Variants in CSNK2A2IP observed in about 807,000 individuals in gnomAD.
CSNK2A2IP encodes the protein casein kinase 2 subunit alpha' interacting protein.
At chr3:88,447,735 A>G in the CSNK2A2IP span, among the ~76,000 whole-genome samples, 2 of 151,960 alleles carry the variant, frequency 1.3e-5, no homozygotes, top group Non-Finnish European at 2.9e-5. Flanking sequence ...TCGATGATAT[A>G]TTTTTCTTTA....
chr3:88,459,071 C>T, the CSNK2A2IP span, among the ~76,000 whole-genome samples: 438 of 152,136 alleles, frequency 2.9e-3, 2 homozygotes, highest in African/African-American at 9.8e-3. Flanking sequence ...AGAGTTATTG[C>T]AATTTCCAAT....
chr3:88,376,256 A>ATTGTGG, the CSNK2A2IP span, among the ~76,000 whole-genome samples: 4 of 151,686 alleles, frequency 2.6e-5, no homozygotes, highest in African/African-American at 9.7e-5. Context: ...ACTCTAAAAC[A>ATTGTGG]TATTAATTAT....
At chr3:88,455,730 C>T in the CSNK2A2IP span, among the ~76,000 whole-genome samples, 3 of 151,832 alleles carry the variant, frequency 2.0e-5, no homozygotes, top group South Asian at 6.2e-4. Flanking sequence ...TTTAGTTTTG[C>T]TTTTGTCATC....
chr3:88,395,319 T>C, the CSNK2A2IP span, among the ~76,000 whole-genome samples: 1 of 152,236 alleles, frequency 6.6e-6, no homozygotes, highest in East Asian at 1.9e-4. Context: ...TACACTTAAT[T>C]CTATGATCCA....
the CSNK2A2IP span, among the ~76,000 whole-genome samples, chr3:88,397,595 GA>G: frequency 6.6e-6 from 1 of 152,102 alleles, no homozygotes; most frequent in African/African-American, 2.4e-5. Context: ...AAATATGAAA[GA>G]GTTTGCCTTA....
At chr3:88,367,433 T>G in the CSNK2A2IP span, among the ~76,000 whole-genome samples, 31 of 152,206 alleles carry the variant, frequency 2.0e-4, no homozygotes, top group Non-Finnish European at 4.3e-4. Flanking sequence ...TGAGAGTGGC[T>G]TAACACATGA....
the CSNK2A2IP span, among the ~76,000 whole-genome samples, chr3:88,388,830 A>G: frequency 2.0e-5 from 3 of 152,052 alleles, no homozygotes; most frequent in Non-Finnish European, 4.4e-5. Flanking sequence ...CTTCCATGGA[A>G]GTTATAGCTA....
At chr3:88,444,855 T>C in the CSNK2A2IP span, among the ~76,000 whole-genome samples, 2 of 152,152 alleles carry the variant, frequency 1.3e-5, no homozygotes, top group African/African-American at 4.8e-5. Context: ...TAATATGTCA[T>C]GGTTTTCTAT....
the CSNK2A2IP span, among the ~76,000 whole-genome samples, chr3:88,428,933 A>G: frequency 6.6e-6 from 1 of 150,986 alleles, no homozygotes; most frequent in Non-Finnish European, 1.5e-5. Flanking sequence ...TTATAAAACA[A>G]TTAACTTCTT....
the CSNK2A2IP span, among the ~76,000 whole-genome samples, chr3:88,375,563 A>G: frequency 1.3e-5 from 2 of 151,730 alleles, no homozygotes; most frequent in African/African-American, 4.8e-5. Flanking sequence ...TTTGGATCCC[A>G]GAGGAAAAGT....
the CSNK2A2IP span, among the ~76,000 whole-genome samples, chr3:88,358,071 T>A: frequency 1.3e-5 from 2 of 152,134 alleles, no homozygotes; most frequent in African/African-American, 4.8e-5. Context: ...TTAAGTTTAT[T>A]CCAGGTATTT....
chr3:88,402,217 TTA>T, the CSNK2A2IP span, among the ~76,000 whole-genome samples: 2 of 152,038 alleles, frequency 1.3e-5, no homozygotes, highest in African/African-American at 4.8e-5. Context: ...CTAAACAATG[TTA>T]TTTGATTTTA....
the CSNK2A2IP span, among the ~76,000 whole-genome samples, chr3:88,416,322 C>T: frequency 6.7e-6 from 1 of 149,942 alleles, no homozygotes; most frequent in Non-Finnish European, 1.5e-5. Context: ...TTTCAGTCAG[C>T]CAGAGGAATA....
chr3:88,425,181 T>C, the CSNK2A2IP span, among the ~76,000 whole-genome samples: 3 of 152,042 alleles, frequency 2.0e-5, no homozygotes, highest in Non-Finnish European at 4.4e-5. Flanking sequence ...TCACATTTTC[T>C]AGAGAAGAGC....
the CSNK2A2IP span, among the ~76,000 whole-genome samples, chr3:88,415,603 G>T: frequency 2.0e-5 from 3 of 151,878 alleles, no homozygotes; most frequent in South Asian, 2.1e-4. Flanking sequence ...GAGTGGGGAG[G>T]GGGCGGGAAA....
At chr3:88,387,796 G>A in the CSNK2A2IP span, among the ~76,000 whole-genome samples, 1 of 152,086 alleles carries the variant, frequency 6.6e-6, no homozygotes. Flanking sequence ...CATGATCACA[G>A]CTCACTGCAG....
At chr3:88,354,454 C>T in the CSNK2A2IP span, among the ~76,000 whole-genome samples, 1 of 152,086 alleles carries the variant, frequency 6.6e-6, no homozygotes, top group Non-Finnish European at 1.5e-5. Flanking sequence ...GAATGCTGAA[C>T]AGAAGCATAA....
chr3:88,402,302 A>G, the CSNK2A2IP span, among the ~76,000 whole-genome samples: 2 of 152,080 alleles, frequency 1.3e-5, no homozygotes, highest in Non-Finnish European at 2.9e-5. Context: ...GAATAAAGGG[A>G]ACCCTTATAT....
At chr3:88,411,383 A>ATCTATCTATCTATCTG in the CSNK2A2IP span, among the ~76,000 whole-genome samples, 296 of 55,062 alleles carry the variant, frequency 5.4e-3, no homozygotes, top group African/African-American at 0.012. Flanking sequence ...CTATCTGTCT[A>ATCTATCTATCTATCTG]TCTATCTATC....
Sources: gnomAD v4.1 joint callset for allele counts (sites outside exome capture counted in the v4.1 genomes callset) on GRCh38, gnomAD v4.1.1 for gene constraint, MANE v1.5 for transcripts, NCBI Gene and HGNC (gene_info 2026-07-23, HGNC 2026-07-21) for gene names.